The following MALRD1 variants were observed in gnomAD, a reference collection of about 807,000 sequenced individuals.
MALRD1 encodes the protein MAM and LDL receptor class A domain containing 1.
A neutral mutation model predicts 242.1 loss-of-function variants in MALRD1; 247 were observed. The ratio of observed to expected loss-of-function variants is 1.02; its 90% CI spans 0.92 to 1.13. MALRD1 has a LOEUF of 1.13. Ranked by LOEUF, MALRD1 falls within the 50% of genes most tolerant of loss-of-function variation. The pLI, the probability that MALRD1 is intolerant of heterozygous loss-of-function variation, is 0.00. For synonymous variants in MALRD1, 995 were observed against 866.6 expected, an observed-to-expected ratio of 1.15 and a Z score of -2.60; for missense variants, 2,989 against 2,533.1, an observed-to-expected ratio of 1.18 and a Z score of -3.86.
At chr10:19,535,593 CAG>C (rs1257618914) in intron 32 of MALRD1, among the ~76,000 whole-genome samples, 2 of 149,048 alleles carry the variant, frequency 1.3e-5, no homozygotes, top group African/African-American at 2.5e-5. Flanking sequence ...ATATATATGA[CAG>C]GGAAAAGAAA....
At chr10:19,658,216 C>A (rs935056740) in intron 36 of MALRD1, among the ~76,000 whole-genome samples, 3 of 152,032 alleles carry the variant, frequency 2.0e-5, no homozygotes, top group Non-Finnish European at 2.9e-5. Context: ...TTAAGAATCT[C>A]CATTATACAT....
chr10:19,729,886 G>A (rs1480771386), intron 38 of MALRD1, among the ~76,000 whole-genome samples: 1 of 151,220 alleles, frequency 6.6e-6, no homozygotes, highest in Non-Finnish European at 1.5e-5. Flanking sequence ...ACAGGCGCCC[G>A]CCACCACGCC....
intron 18 of MALRD1, among the ~76,000 whole-genome samples, chr10:19,240,623 G>C (rs1378676931): frequency 6.6e-6 from 1 of 152,012 alleles, no homozygotes; most frequent in Non-Finnish European, 1.5e-5. Flanking sequence ...AGTGGTAGAA[G>C]TTGACATCCT....
chr10:19,481,281 G>A lies in MALRD1; in HGVS notation c.5030-10236G>A, dbSNP rs374469250. 9.2e-5 allele frequency among the ~76,000 whole-genome samples: 14 copies of A among 152,202 alleles called. No homozygotes were observed. In the East Asian group the frequency reaches 1.2e-3, roughly 13 times the overall value. On this transcript the variant is annotated intron_variant, in intron 29 of 39. Transcript: ENST00000454679. ...GTTTGCTGTCACTGAGATCACTAAG[G>A]TTACAGTTTCAGACGTGTTGCTATT... is the stretch of plus-strand genomic sequence containing the variant.
intron 5 of MALRD1, among the ~76,000 whole-genome samples, chr10:19,106,547 G>C (rs1588553011): frequency 6.6e-6 from 1 of 150,990 alleles, no homozygotes; most frequent in Non-Finnish European, 1.5e-5. Context: ...TCCAGCTATT[G>C]TTTGTCAATT....
intron 21 of MALRD1, among the ~76,000 whole-genome samples, chr10:19,285,510 A>T (rs1238622061): frequency 6.6e-6 from 1 of 151,864 alleles, no homozygotes; most frequent in Non-Finnish European, 1.5e-5. Flanking sequence ...TAACTAGGGA[A>T]TCCTTTCCCC....
chr10:19,618,517 T>C (rs774029092), intron 36 of MALRD1, among the ~76,000 whole-genome samples: 1 of 152,120 alleles, frequency 6.6e-6, no homozygotes, highest in Non-Finnish European at 1.5e-5. Flanking sequence ...TTTTCAATAA[T>C]AGCCATTTTG....
rs185320538 is a variant in MALRD1, at chr10:19,112,555, T to A, written c.694+8480T>A. On this transcript the variant is annotated intron_variant, in intron 5 of 39. Transcript: ENST00000454679. ...GGAATTTATTTTTTTGTATCTGCCT[T>A]ACTACCTTACGCTTGTCACTTTATG... 4.3e-4 allele frequency among the ~76,000 whole-genome samples: 66 copies of A among 152,276 alleles called. 1 individual carries two copies. Among genetic ancestry groups the A allele is most frequent in the Admixed American group, 2.4e-3 (36 of 15,296 alleles).
chr10:19,714,724 G>C (rs975739370), intron 38 of MALRD1, among the ~76,000 whole-genome samples: 1 of 152,054 alleles, frequency 6.6e-6, no homozygotes, highest in Non-Finnish European at 1.5e-5. Flanking sequence ...GATAAAAGAC[G>C]GGAATCAGCA....
intron 1 of MALRD1, among the ~76,000 whole-genome samples, chr10:19,060,408 T>C (rs1834789135): frequency 6.6e-6 from 1 of 152,186 alleles, no homozygotes; most frequent in Admixed American, 6.5e-5. Context: ...CAGTTCCTTT[T>C]TGATCTATTT....
intron 12 of MALRD1, among the ~76,000 whole-genome samples, chr10:19,161,899 G>A (rs530136012): frequency 2.6e-5 from 4 of 152,102 alleles, no homozygotes; most frequent in East Asian, 1.9e-4. Context: ...GTGGTAGCAC[G>A]TGCCTGTAGT....
chr10:19,179,209 C>T (rs1835388808), intron 14 of MALRD1, among the ~76,000 whole-genome samples: 1 of 152,020 alleles, frequency 6.6e-6, no homozygotes, highest in Non-Finnish European at 1.5e-5. Context: ...TTGTGGTAAC[C>T]AGGTTCTGGG....
At chr10:19,500,485 G>A (rs1235602070) in intron 31 of MALRD1, among the ~76,000 whole-genome samples, 4 of 152,236 alleles carry the variant, frequency 2.6e-5, no homozygotes, top group East Asian at 3.9e-4. Flanking sequence ...ATCATATACA[G>A]CAATACAATC....
Position 19,291,120 on chromosome 10 carries a change from G to A in MALRD1, c.3419+7939G>A, listed in dbSNP as rs1459203009. Among the ~76,000 whole-genome samples the A allele has an allele frequency of 2.0e-5, 3 of 152,104 alleles. No homozygotes were observed. In the East Asian group the frequency reaches 5.8e-4, roughly 29 times the overall value. ...TCAAATACATTTTATTTCACTAAAT[G>A]CCAATCTATTGGTTAAATAATGTTT... On this transcript the variant is annotated intron_variant, in intron 21 of 39. Transcript: ENST00000454679.
chr10:19,496,862 T>C (rs1837742894), intron 30 of MALRD1, among the ~76,000 whole-genome samples: 1 of 152,176 alleles, frequency 6.6e-6, no homozygotes, highest in Non-Finnish European at 1.5e-5. Flanking sequence ...TGTGTAACTT[T>C]GCAGAAAATG....
chr10:19,173,598 C>T (rs1835102163), intron 13 of MALRD1, among the ~76,000 whole-genome samples: 1 of 152,144 alleles, frequency 6.6e-6, no homozygotes, highest in Admixed American at 6.5e-5. Context: ...TTGTTGTTCT[C>T]TTAAAATCTT....
intron 18 of MALRD1, among the ~76,000 whole-genome samples, chr10:19,252,785 C>T (rs1165019920): frequency 2.0e-5 from 3 of 151,922 alleles, no homozygotes; most frequent in African/African-American, 4.8e-5. Context: ...TATTCTGCAG[C>T]TTTGTGTATG....
intron 19 of MALRD1, among the ~76,000 whole-genome samples, chr10:19,264,835 C>G (rs1241692245): frequency 6.6e-6 from 1 of 152,140 alleles, no homozygotes; most frequent in Non-Finnish European, 1.5e-5. Flanking sequence ...GGTATGAATT[C>G]TTTAAATGTT....
At chr10:19,246,677 C>A (rs965782455) in intron 18 of MALRD1, among the ~76,000 whole-genome samples, 1 of 152,194 alleles carries the variant, frequency 6.6e-6, no homozygotes, top group Non-Finnish European at 1.5e-5. Context: ...TGAATATTTA[C>A]CCCAGGCATA....
Sources: gnomAD v4.1 joint callset for allele counts (sites outside exome capture counted in the v4.1 genomes callset) on GRCh38, gnomAD v4.1.1 for gene constraint, MANE v1.5 for transcripts, NCBI Gene and HGNC (gene_info 2026-07-23, HGNC 2026-07-21) for gene names.